The following DNAJC3 variants were observed in gnomAD, a reference collection of about 807,000 sequenced individuals.
DNAJC3 encodes dnaJ homolog subfamily C member 3.
In DNAJC3, 38 loss-of-function variants were observed where a neutral mutation model predicts 68.6. The ratio of observed to expected loss-of-function variants is 0.55; its 90% CI spans 0.43 to 0.73. DNAJC3 has a LOEUF of 0.73. Among genes scored for constraint, DNAJC3 ranks in the 30% least tolerant of loss-of-function variants. The probability of loss-of-function intolerance (pLI) is 0.00; values close to 1 mark genes in which losing one functional copy is unlikely to be tolerated. For missense variants in DNAJC3, 526 were observed against 591.9 expected, an observed-to-expected ratio of 0.89 and a Z score of 1.16; for synonymous variants, 203 against 204.0, an observed-to-expected ratio of 1.00 and a Z score of 0.04.
At chr13:95,782,082 G>A (rs1237300962) in intron 9 of DNAJC3, among the ~76,000 whole-genome samples, 1 of 152,090 alleles carries the variant, frequency 6.6e-6, no homozygotes, top group East Asian at 1.9e-4. Context: ...GTGTTAGTTT[G>A]CTGAGAACAA....
At chr13:95,786,196 C>T (rs889740289) in intron 10 of DNAJC3, 125 bp downstream of exon 10, 2 of 1,065,232 alleles carry the variant, frequency 1.9e-6, no homozygotes, top group Non-Finnish European at 2.6e-6. Context: ...ATGGATTAAA[C>T]CTTAACAGTC....
intron 1 of DNAJC3, among the ~76,000 whole-genome samples, chr13:95,681,751 T>C (rs1031438557): frequency 6.6e-6 from 1 of 152,166 alleles, no homozygotes; most frequent in African/African-American, 2.4e-5. Flanking sequence ...TTCTTGAAAA[T>C]CAATATTTCA....
intron 1 of DNAJC3, among the ~76,000 whole-genome samples, chr13:95,681,443 T>C (rs1436209833): frequency 6.6e-6 from 1 of 152,196 alleles, no homozygotes; most frequent in African/African-American, 2.4e-5. Flanking sequence ...CTTGACCTCC[T>C]GGGCTCAAGC....
chr13:95,720,369 A>T (rs1881283933), intron 2 of DNAJC3, among the ~76,000 whole-genome samples: 1 of 152,168 alleles, frequency 6.6e-6, no homozygotes, highest in Non-Finnish European at 1.5e-5. Flanking sequence ...TATGAAAGTA[A>T]TCCATATGTA....
intron 4 of DNAJC3, among the ~76,000 whole-genome samples, chr13:95,744,201 G>T (rs1312977962): frequency 6.6e-6 from 1 of 152,040 alleles, no homozygotes; most frequent in African/African-American, 2.4e-5. Flanking sequence ...TTTTTAAAAA[G>T]TGTATACCTA....
At chr13:95,717,802 A>G (rs1881200415) in intron 2 of DNAJC3, among the ~76,000 whole-genome samples, 1 of 152,222 alleles carries the variant, frequency 6.6e-6, no homozygotes, top group African/African-American at 2.4e-5. Flanking sequence ...CTCCCCAGCC[A>G]TGTGGAACTG....
chr13:95,722,442 C>A (rs939184458), intron 2 of DNAJC3, among the ~76,000 whole-genome samples: 3 of 152,018 alleles, frequency 2.0e-5, no homozygotes, highest in Non-Finnish European at 4.4e-5. Context: ...TTAGGAGAAT[C>A]TCCATAGAGA....
At chr13:95,681,319 C>T (rs1387704969) in intron 1 of DNAJC3, among the ~76,000 whole-genome samples, 1 of 152,166 alleles carries the variant, frequency 6.6e-6, no homozygotes, top group Non-Finnish European at 1.5e-5. Flanking sequence ...ATGGAGACAA[C>T]TTTGCTGATT....
chr13:95,770,874 C>T (rs904425155), intron 9 of DNAJC3, among the ~76,000 whole-genome samples: 6 of 152,068 alleles, frequency 3.9e-5, no homozygotes, highest in South Asian at 4.1e-4. Flanking sequence ...ATGCATAAAA[C>T]GTAGTAGTAG....
chr13:95,730,371 A>G (rs1881672637), intron 4 of DNAJC3, among the ~76,000 whole-genome samples: 1 of 152,148 alleles, frequency 6.6e-6, no homozygotes, highest in Admixed American at 6.5e-5. Context: ...TCTTGGCCAT[A>G]AAAACTTTGC....
At chr13:95,787,685 A>G (rs937168144) in intron 11 of DNAJC3, among the ~76,000 whole-genome samples, 1 of 149,962 alleles carries the variant, frequency 6.7e-6, no homozygotes, top group Non-Finnish European at 1.5e-5. Context: ...TTTTTTTTTA[A>G]TTTTTATTTT....
chr13:95,777,440 C>G (rs927444886), intron 9 of DNAJC3, among the ~76,000 whole-genome samples: 2 of 152,228 alleles, frequency 1.3e-5, no homozygotes, highest in African/African-American at 4.8e-5. Context: ...TTGGTCTCTT[C>G]TATTTGTTTC....
At chr13:95,691,818 G>C (rs112138548) in intron 1 of DNAJC3, among the ~76,000 whole-genome samples, 2,571 of 152,302 alleles carry the variant, frequency 0.017, 77 homozygotes, top group African/African-American at 0.059. Flanking sequence ...CTTGGGAGGC[G>C]GAGGCTGGCG....
chr13:95,687,717 A>G (rs559607526), intron 1 of DNAJC3, among the ~76,000 whole-genome samples: 7 of 152,266 alleles, frequency 4.6e-5, no homozygotes, highest in Non-Finnish European at 1.0e-4. Flanking sequence ...TGATACCTCC[A>G]GCTTAGTTCT....
intron 10 of DNAJC3, among the ~76,000 whole-genome samples, chr13:95,786,565 G>T (rs1425249686): frequency 6.6e-6 from 1 of 152,190 alleles, no homozygotes; most frequent in African/African-American, 2.4e-5. Flanking sequence ...ATACCTCCCA[G>T]TGGTTCGCTG....
intron 9 of DNAJC3, among the ~76,000 whole-genome samples, chr13:95,767,658 GATTCTTC>G (rs753714574): frequency 1.3e-5 from 2 of 149,702 alleles, no homozygotes; most frequent in Non-Finnish European, 3.0e-5. Flanking sequence ...TAAAGATTCT[GATTCTTC>G]CACATCCTCG....
At chr13:95,737,123 T>G (rs1183589567) in intron 4 of DNAJC3, among the ~76,000 whole-genome samples, 1 of 149,984 alleles carries the variant, frequency 6.7e-6, no homozygotes, top group Non-Finnish European at 1.5e-5. Context: ...TGGATTACAT[T>G]TATTGATTTG....
Position 95,760,802 on chromosome 13 carries a change from A to T in DNAJC3, c.848+4A>T. Reference sequence around the variant, plus strand: ...AAGAGCTCATCAGAGATGGCAGGTGAGAATATGGTTGTTCCAACTGTCCAG... The same window carrying T: ...AAGAGCTCATCAGAGATGGCAGGTGTGAATATGGTTGTTCCAACTGTCCAG... On this transcript the variant is annotated splice_donor_region_variant and intron_variant, in intron 7 of 11. Transcript: ENST00000602402. 3 of 1,610,094 alleles carry T rather than the reference A, an allele frequency of 1.9e-6. No homozygotes were observed. Among genetic ancestry groups the T allele is most frequent in the Non-Finnish European group, 2.5e-6 (3 of 1,178,078 alleles).
intron 1 of DNAJC3, among the ~76,000 whole-genome samples, chr13:95,689,334 G>T (rs1214168507): frequency 6.6e-6 from 1 of 150,726 alleles, no homozygotes; most frequent in Admixed American, 6.6e-5. Context: ...TTGGGAGGTT[G>T]TATGTTTCTG....
Sources: allele counts gnomAD v4.1 joint callset (sites outside exome capture counted in the v4.1 genomes callset), GRCh38; gene constraint gnomAD v4.1.1; transcripts MANE v1.5; gene names NCBI Gene and HGNC (gene_info 2026-07-23, HGNC 2026-07-21).